Variants in MANEA observed in about 807,000 individuals in gnomAD.
The protein encoded by MANEA is glycoprotein endo-alpha-1,2-mannosidase.
A neutral mutation model predicts 36.8 loss-of-function variants in MANEA; 25 were observed. The observed-to-expected ratio is 0.68, with a 90% CI of 0.50 to 0.95. The LOEUF (loss-of-function observed/expected upper bound fraction) is 0.95. Ranked by LOEUF, MANEA falls within the 40% of genes least tolerant of loss-of-function variation. MANEA has a pLI of 0.00. For synonymous variants in MANEA, 198 were observed against 188.5 expected, an observed-to-expected ratio of 1.05 and a Z score of -0.41; for missense variants, 565 against 558.8, an observed-to-expected ratio of 1.01 and a Z score of -0.11.
intron 1 of MANEA, among the ~76,000 whole-genome samples, chr6:95,585,239 A>G (rs1043460104): frequency 1.3e-5 from 2 of 152,196 alleles, no homozygotes; most frequent in African/African-American, 4.8e-5. Flanking sequence ...AAACAAAAAC[A>G]CATATAATAC....
rs893430502 is a variant in MANEA at position 95,609,165 on chromosome 6, A to G, written c.*2760A>G. The G allele has an allele frequency of 1.3e-5, 2 of 151,772 alleles. No homozygotes were observed. Among genetic ancestry groups the G allele is most frequent in the African/African-American group, 2.4e-5 (1 of 41,428 alleles). The allele number at this position is 151,772 out of a possible 1,614,324, so 9.4% of individuals were successfully genotyped here. On this transcript the variant is annotated 3_prime_UTR_variant, in exon 5 of 5. Transcript: ENST00000358812. ...ATTCAAAACTATACGTTTGAATTCA[A>G]TATGGTATAACTTAAAGTGGTATAA...
rs760746636 is a variant in MANEA at position 95,606,449 on chromosome 6, T to A, written c.*44T>A. 2.1e-6 allele frequency: 3 copies of A among 1,424,422 alleles called. No homozygotes were observed. Among genetic ancestry groups the A allele is most frequent in the African/African-American group, 2.9e-5 (2 of 69,762 alleles). 88.2% of individuals were successfully genotyped at this position (1,424,422 alleles called of 1,614,324 possible). On this transcript the variant is annotated 3_prime_UTR_variant, in exon 5 of 5. Transcript: ENST00000358812. The stretch of plus-strand genomic sequence containing the variant: ...ATAGTTATCAAAATCACCTAATTTT[T>A]AAAAATAGCTTTCGTTTTGAGTTCT...
At chr6:95,600,617 A>C (rs1403869331) in intron 3 of MANEA, among the ~76,000 whole-genome samples, 3 of 152,248 alleles carry the variant, frequency 2.0e-5, no homozygotes, top group African/African-American at 4.8e-5. Flanking sequence ...CCTTACTAGA[A>C]TTATTCAGTG....
chr6:95,590,845 TGTC>T (rs753884164), intron 2 of MANEA, among the ~76,000 whole-genome samples: 34 of 152,192 alleles, frequency 2.2e-4, no homozygotes, highest in Non-Finnish European at 2.9e-4. Flanking sequence ...AGTTTGCTAT[TGTC>T]GTAATTCTGT....
chr6:95,588,092 C>T (rs1313830641), intron 2 of MANEA: 1 of 152,048 alleles, frequency 6.6e-6, no homozygotes, highest in African/African-American at 2.4e-5. Flanking sequence ...TATTGTCCCA[C>T]AGGTGAATTA....
intron 1 of MANEA, among the ~76,000 whole-genome samples, chr6:95,582,711 T>C (rs9387337): frequency 0.6 from 90,829 of 152,124 alleles, 27,538 homozygotes; most frequent in East Asian, 0.87. Flanking sequence ...TATTTTACCA[T>C]ATTTGCTTAC....
rs1405257043 is a variant in MANEA, at chr6:95,588,796, CAT to C, written c.544+1819_544+1820del. Among the ~76,000 whole-genome samples, 13 of 151,344 alleles carry C rather than the reference CAT, an allele frequency of 8.6e-5. No individual in the cohort carries two copies. In the South Asian group the frequency reaches 1.0e-3, roughly 12 times the overall value. ...TTAATACATATTTGTAATACATAAA[CAT>C]ATATAAATAATATATGTGGTAAATA... On this transcript the variant is annotated intron_variant, in intron 2 of 4. Coordinates refer to ENST00000358812, the MANE Select transcript of MANEA (RefSeq NM_024641.4).
At chr6:95,589,679 A>G (rs1014801022) in intron 2 of MANEA, among the ~76,000 whole-genome samples, 3 of 152,088 alleles carry the variant, frequency 2.0e-5, no homozygotes, top group Admixed American at 1.3e-4. Context: ...CTGTATTACA[A>G]CTCTAAAAGT....
chr6:95,596,240 A>G (rs1769480149), intron 2 of MANEA, among the ~76,000 whole-genome samples: 2 of 152,034 alleles, frequency 1.3e-5, no homozygotes, highest in African/African-American at 2.4e-5. Flanking sequence ...AGCTGGTAAA[A>G]CTAGTTTTTC....
rs1404517547 is a variant in MANEA, at chr6:95,608,223, A to G, written c.*1818A>G. The G allele has an allele frequency of 6.6e-6, 1 of 151,908 alleles. No homozygotes were observed. The highest frequency in any genetic ancestry group is 2.4e-5 in the African/African-American group (1 of 41,436). The allele number at this position is 151,908 out of a possible 1,614,324, so 9.4% of individuals were successfully genotyped here. A position where few individuals can be genotyped will look rare whatever the true frequency, so the allele number is the denominator to read the frequency against. Reference sequence around the variant, plus strand: ...ACTAGAATATATTATTTTAGGTATAATTTACAAATGTCACACCTAATAATC... The same window carrying G: ...ACTAGAATATATTATTTTAGGTATAGTTTACAAATGTCACACCTAATAATC... On this transcript the variant is annotated 3_prime_UTR_variant, in exon 5 of 5. Coordinates refer to ENST00000358812, the MANE Select transcript of MANEA (RefSeq NM_024641.4).
chr6:95,579,430 C>T (rs1284452307), intron 1 of MANEA, among the ~76,000 whole-genome samples: 1 of 152,044 alleles, frequency 6.6e-6, no homozygotes, highest in East Asian at 1.9e-4. Flanking sequence ...TTTCTGTTAA[C>T]CAGAGGGTAC....
Position 95,605,991 on chromosome 6 carries a change from C to T in MANEA, c.975C>T (p.Ala325=). 6.2e-7 allele frequency: 1 copy of T among 1,613,880 alleles called. No individual in the cohort carries two copies. The highest frequency in any genetic ancestry group is 8.5e-7 in the Non-Finnish European group (1 of 1,179,934). ...SGFDGIYTYF[A]TNGFTYGSSH... ...TTGATGGAATTTACACATATTTTGC[C>T]ACAAATGGCTTTACTTATGGCTCAT... Residue 325 remains alanine (A), a synonymous_variant, in exon 5 of 5, where the codon GCC becomes GCT. Transcript: ENST00000358812.
At chr6:95,589,118 TAATC>T (rs1337568746) in intron 2 of MANEA, among the ~76,000 whole-genome samples, 6 of 111,202 alleles carry the variant, frequency 5.4e-5, no homozygotes, top group East Asian at 4.2e-4. Context: ...AAAAGTGACA[TAATC>T]AATTTATAAA....
chr6:95,598,759 G>T (rs1769532944), intron 3 of MANEA, among the ~76,000 whole-genome samples: 1 of 152,046 alleles, frequency 6.6e-6, no homozygotes, highest in Non-Finnish European at 1.5e-5. Context: ...TTCCACAATA[G>T]CACAATTTTT....
rs1405810552 is a variant in MANEA at position 95,604,693 on chromosome 6, AGTTTCTGT to A, written c.655-130_655-123del. 13 of 431,836 alleles carry A rather than the reference AGTTTCTGT, an allele frequency of 3.0e-5. 1 individual carries two copies. The South Asian group carries it at 6.9e-4, about 23-fold the overall frequency. The allele number at this position is 431,836 out of a possible 1,614,324, so 26.8% of individuals were successfully genotyped here. The stretch of plus-strand genomic sequence containing the variant: ...ATTTTATTGGTAAAAATTCTCTGGT[AGTTTCTGT>A]GTTCAATAAATATTCATCTTTAATT... On this transcript the variant is annotated intron_variant, in intron 3 of 4. Transcript: ENST00000358812.
At chr6:95,587,570 A>T (rs1447284838) in intron 2 of MANEA, among the ~76,000 whole-genome samples, 1 of 152,098 alleles carries the variant, frequency 6.6e-6, no homozygotes, top group Non-Finnish European at 1.5e-5. Context: ...GCTCAGCACA[A>T]TATTTTGAAC....
Position 95,597,865 on chromosome 6 carries a change from C to A in MANEA, c.654+1019C>A, listed in dbSNP as rs900453146. Among the ~76,000 whole-genome samples the A allele has an allele frequency of 2.6e-5, 4 of 151,948 alleles. No homozygotes were observed. In the South Asian group the frequency reaches 8.3e-4, roughly 32 times the overall value. ...TGGATAAATTAATCTTTACTATTGT[C>A]CACTTTTGGGGAAAAAACAATAGGC... On this transcript the variant is annotated intron_variant, in intron 3 of 4. Coordinates refer to ENST00000358812, the MANE Select transcript of MANEA (RefSeq NM_024641.4).
intron 2 of MANEA, among the ~76,000 whole-genome samples, chr6:95,592,411 T>C (rs552182962): frequency 6.6e-6 from 1 of 152,332 alleles, no homozygotes; most frequent in East Asian, 1.9e-4. Flanking sequence ...TGTGAGTCTG[T>C]TTCTATTGAT....
At chr6:95,596,254 T>C (rs1158331160) in intron 2 of MANEA, among the ~76,000 whole-genome samples, 1 of 152,096 alleles carries the variant, frequency 6.6e-6, no homozygotes, top group Non-Finnish European at 1.5e-5. Flanking sequence ...GTTTTTCAGC[T>C]ACTCTAATGG....
Sources: gnomAD v4.1 joint callset for allele counts (sites outside exome capture counted in the v4.1 genomes callset) on GRCh38, gnomAD v4.1.1 for gene constraint, MANE v1.5 for transcripts, NCBI Gene and HGNC (gene_info 2026-07-23, HGNC 2026-07-21) for gene names.